KIAA0232: variants seen among roughly 807,000 people sequenced by gnomAD.
KIAA0232 encodes the protein uncharacterized protein KIAA0232.
KIAA0232 carries 27 observed loss-of-function variants against 122.0 expected under a neutral mutation model. The observed-to-expected ratio is 0.22, with a 90% CI of 0.16 to 0.31. The LOEUF is 0.31. Among genes scored for constraint, KIAA0232 ranks in the 10% least tolerant of loss-of-function variants. The probability of loss-of-function intolerance (pLI) is 1.00; values close to 1 mark genes in which losing one functional copy is unlikely to be tolerated. For synonymous variants in KIAA0232, 613 were observed against 587.6 expected, an observed-to-expected ratio of 1.04 and a Z score of -0.63; for missense variants, 1,551 against 1,634.2, an observed-to-expected ratio of 0.95 and a Z score of 0.88.
chr4:6,853,863 G>A (rs1284486045), intron 4 of KIAA0232, among the ~76,000 whole-genome samples: 2 of 152,186 alleles, frequency 1.3e-5, no homozygotes, highest in Non-Finnish European at 2.9e-5. Context: ...GAACAAATAA[G>A]ACCCTCATGA....
At chr4:6,872,580 G>T (rs1430477736) in intron 8 of KIAA0232, among the ~76,000 whole-genome samples, 1 of 152,206 alleles carries the variant, frequency 6.6e-6, no homozygotes, top group Non-Finnish European at 1.5e-5. Context: ...AACCAGAATT[G>T]ATTAGCTCAA....
Position 6,847,074 on chromosome 4 carries a change from GTTATA to G in KIAA0232, c.369+4875_369+4879del, listed in dbSNP as rs558323570. 3.0e-4 allele frequency among the ~76,000 whole-genome samples: 45 copies of G among 151,928 alleles called. 1 individual carries two copies. In the South Asian group the frequency reaches 9.3e-3, roughly 32 times the overall value. ...TGGCAATTAAAAGACAATAATATAGGTTATATTATTATATTAAATATAAGTATAGG... is the reference window on the plus strand; with the variant it reads ...TGGCAATTAAAAGACAATAATATAGGTTATTATATTAAATATAAGTATAGG... On this transcript the variant is annotated intron_variant, in intron 4 of 9. Coordinates refer to ENST00000307659, the MANE Select transcript of KIAA0232 (RefSeq NM_014743.3).
rs1721191387 is a variant in KIAA0232, at chr4:6,866,536, G to A, written c.3801+2353G>A. Among the ~76,000 whole-genome samples, 3 of 152,242 alleles carry A rather than the reference G, an allele frequency of 2.0e-5. No individual in the cohort carries two copies. The South Asian group carries it at 6.2e-4, about 32-fold the overall frequency. On this transcript the variant is annotated intron_variant, in intron 7 of 9. Coordinates refer to ENST00000307659, the MANE Select transcript of KIAA0232 (RefSeq NM_014743.3). ...ATCTTTCTGTTCTGTCACATTGCTT[G>A]GTCAGTCTGAAAGGTGCTTTTAAGA...
At chr4:6,869,998 G>T (rs1313251669) in intron 7 of KIAA0232, among the ~76,000 whole-genome samples, 1 of 152,212 alleles carries the variant, frequency 6.6e-6, no homozygotes, top group Non-Finnish European at 1.5e-5. Context: ...AAGATGCAGT[G>T]GCCAAGCCTC....
At chr4:6,801,240 ATT>A (rs1560164030) in intron 1 of KIAA0232, among the ~76,000 whole-genome samples, 1 of 152,228 alleles carries the variant, frequency 6.6e-6, no homozygotes, top group Non-Finnish European at 1.5e-5. Context: ...AAAGAACTGA[ATT>A]TTCAATTTTA....
intron 4 of KIAA0232, among the ~76,000 whole-genome samples, chr4:6,845,746 A>G (rs1209894791): frequency 6.6e-6 from 1 of 152,184 alleles, no homozygotes; most frequent in African/African-American, 2.4e-5. Flanking sequence ...TTGCTGAGAA[A>G]TGAGCCTAGC....
intron 3 of KIAA0232, among the ~76,000 whole-genome samples, chr4:6,834,535 ACAT>A (rs1456323540): frequency 6.6e-6 from 1 of 152,222 alleles, no homozygotes; most frequent in African/African-American, 2.4e-5. Flanking sequence ...AGTATTTCCA[ACAT>A]TTACCCTAAC....
At chr4:6,807,608 G>GT (rs1236500075) in intron 2 of KIAA0232, among the ~76,000 whole-genome samples, 1 of 152,174 alleles carries the variant, frequency 6.6e-6, no homozygotes, top group Non-Finnish European at 1.5e-5. Context: ...GGGTAAACCG[G>GT]TTTACATAGT....
At chr4:6,837,698 G>T (rs1231713722) in intron 3 of KIAA0232, among the ~76,000 whole-genome samples, 2 of 152,206 alleles carry the variant, frequency 1.3e-5, no homozygotes, top group Non-Finnish European at 2.9e-5. Context: ...GATCACTCGC[G>T]GTCAGAAGCT....
rs1720531512 is a variant in KIAA0232 at position 6,855,614 on chromosome 4, GTAAT to G, written c.370-1544_370-1541del. On this transcript the variant is annotated intron_variant, in intron 4 of 9. Transcript: ENST00000307659. The surrounding 1 kb of genome is among the most constrained non-coding windows in gnomAD (Gnocchi z 4.3). ...TATTAATAAATATATGTGTGTATAT[GTAAT>G]TAATTTCTAAGACAAAGCATGAAAA... Among the ~76,000 whole-genome samples the G allele has an allele frequency of 1.3e-5, 2 of 152,042 alleles. No homozygotes were observed. The highest frequency in any genetic ancestry group is 2.4e-5 in the African/African-American group (1 of 41,394).
rs1207020620 is a variant in KIAA0232, at chr4:6,862,300, G to C, written c.1918G>C (p.Glu640Gln). 3.7e-6 allele frequency: 6 copies of C among 1,614,004 alleles called. No individual in the cohort carries two copies. Among genetic ancestry groups the C allele is most frequent in the Non-Finnish European group, 5.1e-6 (6 of 1,180,014 alleles). ...GNQELFSDIN[E>Q]GSGINSCFSV... Reference sequence around the variant, plus strand: ...TCAAGAGCTCTTTTCAGATATTAATGAAGGATCTGGTATAAACTCTTGTTT... The same window carrying C: ...TCAAGAGCTCTTTTCAGATATTAATCAAGGATCTGGTATAAACTCTTGTTT... The change falls in exon 7 of 10, where the codon GAA (glutamate) becomes CAA (glutamine). Residue 640 changes from glutamate to glutamine, a missense_variant. Physicochemically the swap from Glu to Gln is conservative, Grantham distance 29 (BLOSUM62 2). Transcript: ENST00000307659.
Position 6,871,666 on chromosome 4 carries a change from T to C in KIAA0232, c.3894T>C (p.Pro1298=), listed in dbSNP as rs1462644241. The C allele has an allele frequency of 6.2e-7, 1 of 1,602,760 alleles. No homozygotes were observed. Among genetic ancestry groups the C allele is most frequent in the East Asian group, 2.2e-5 (1 of 44,826 alleles). The change falls in exon 8 of 10, where the codon CCT becomes CCC. Residue 1298 remains proline, a synonymous_variant. Transcript: ENST00000307659. ...WEKALYSPLF[P]ASECEECYTN... is the part of the protein sequence containing the mutation. The stretch of plus-strand genomic sequence containing the variant: ...AAGCCTTGTACTCTCCTCTTTTTCC[T>C]GCATCAGAGTGTGAAGGTAAGGAGA...
chr4:6,818,722 A>G (rs1355729692), intron 2 of KIAA0232, among the ~76,000 whole-genome samples: 1 of 152,046 alleles, frequency 6.6e-6, no homozygotes, highest in Non-Finnish European at 1.5e-5. Context: ...AAAAAAAAAA[A>G]CTATTACAAA....
At chr4:6,856,441 AT>A (rs1239695781) in intron 4 of KIAA0232, among the ~76,000 whole-genome samples, 1 of 152,020 alleles carries the variant, frequency 6.6e-6, no homozygotes, top group African/African-American at 2.4e-5. Flanking sequence ...CTAATGAAAG[AT>A]TATTTGCTTG....
rs1312037431 is a variant in KIAA0232 at position 6,799,844 on chromosome 4, GCCA to G, written c.-353-4674_-353-4672del. On this transcript the variant is annotated intron_variant, in intron 1 of 9. Coordinates refer to ENST00000307659, the MANE Select transcript of KIAA0232 (RefSeq NM_014743.3). ...CAGGTAGCTGGGACTACAGGTGCCC[GCCA>G]CCACTCCCGGCTAATTTTTGTATTT... Among the ~76,000 whole-genome samples, 4 of 151,480 alleles carry G rather than the reference GCCA, an allele frequency of 2.6e-5. No homozygotes were observed. In the East Asian group the frequency reaches 5.8e-4, roughly 22 times the overall value.
intron 2 of KIAA0232, among the ~76,000 whole-genome samples, chr4:6,820,560 A>C (rs1269701187): frequency 1.3e-5 from 2 of 152,204 alleles, no homozygotes; most frequent in African/African-American, 2.4e-5. Flanking sequence ...TTTTCATACA[A>C]GAACTTAATA....
rs770178467 is a variant in KIAA0232 at position 6,862,688 on chromosome 4, A to C, written c.2306A>C (p.Gln769Pro). 1 of 1,611,180 alleles carries C rather than the reference A, an allele frequency of 6.2e-7. No individual in the cohort carries two copies. Among genetic ancestry groups the C allele is most frequent in the East Asian group, 2.2e-5 (1 of 44,872 alleles). The change falls in exon 7 of 10, where the codon CAA becomes CCA. Residue 769 changes from glutamine (Q) to proline (P), a missense_variant. Transcript: ENST00000307659. ...LDFLQDETCQ[Q>P]NSRTLGEIPT... is the part of the protein sequence containing the mutation. ...TTTTTGCAAGATGAAACTTGCCAGCAAAACAGTAGAACTTTAGGTGAGATT... is the reference window on the plus strand; with the variant it reads ...TTTTTGCAAGATGAAACTTGCCAGCCAAACAGTAGAACTTTAGGTGAGATT...
intron 4 of KIAA0232, among the ~76,000 whole-genome samples, chr4:6,847,548 T>A (rs1484705015): frequency 6.6e-6 from 1 of 152,248 alleles, no homozygotes; most frequent in African/African-American, 2.4e-5. Flanking sequence ...CAGGGAATCA[T>A]GACCTTTGAT....
intron 7 of KIAA0232, among the ~76,000 whole-genome samples, chr4:6,868,507 T>A (rs986505640): frequency 6.6e-6 from 1 of 151,934 alleles, no homozygotes; most frequent in African/African-American, 2.4e-5. Context: ...TTATGGGCGG[T>A]GTGAGAGCAG....
Sources: allele counts gnomAD v4.1 joint callset (sites outside exome capture counted in the v4.1 genomes callset), GRCh38; gene constraint gnomAD v4.1.1; non-coding constraint Gnocchi (gnomAD v3.1); transcripts MANE v1.5; gene names NCBI Gene and HGNC (gene_info 2026-07-23, HGNC 2026-07-21).